Variants in FHIP1A observed in about 807,000 individuals in gnomAD.
FHIP1A encodes FHF complex subunit HOOK interacting protein 1A.
FHIP1A carries 61 observed loss-of-function variants against 88.6 expected under a neutral mutation model. The observed-to-expected ratio is 0.69, with a 90% CI of 0.56 to 0.85. The LOEUF (loss-of-function observed/expected upper bound fraction) is 0.85, where lower values mean the gene tolerates loss of function less well. FHIP1A is among the 40% of genes least tolerant of loss of function. The pLI is 0.00. For synonymous variants in FHIP1A, 478 were observed against 496.0 expected (o/e 0.96, Z 0.48); for missense variants, 1,154 against 1,273.5 (o/e 0.91, Z 1.43).
intron 3 of FHIP1A, among the ~76,000 whole-genome samples, chr4:151,511,562 A>G (rs1372785442): frequency 6.6e-6 from 1 of 152,214 alleles, no homozygotes; most frequent in African/African-American, 2.4e-5. Context: ...GGCACCTGGA[A>G]AATCGGGTCA....
chr4:151,488,916 G>A (rs2065895544), intron 3 of FHIP1A, among the ~76,000 whole-genome samples: 1 of 152,166 alleles, frequency 6.6e-6, no homozygotes, highest in Non-Finnish European at 1.5e-5. Context: ...GGTGGAGAGA[G>A]AGTGGGAAAA....
chr4:151,419,451 A>G (rs1246590942), intron 1 of FHIP1A, among the ~76,000 whole-genome samples: 1 of 152,004 alleles, frequency 6.6e-6, no homozygotes, highest in African/African-American at 2.4e-5. Context: ...ACACACACAT[A>G]CATCTCCTAC....
At chr4:151,526,950 A>G (rs1434578286) in intron 3 of FHIP1A, among the ~76,000 whole-genome samples, 7 of 150,572 alleles carry the variant, frequency 4.6e-5, no homozygotes, top group Non-Finnish European at 1.0e-4. Flanking sequence ...GACGCTCCTC[A>G]CTTCCCAGAT....
intron 3 of FHIP1A, among the ~76,000 whole-genome samples, chr4:151,510,429 G>T (rs1477812865): frequency 1.3e-5 from 2 of 152,246 alleles, no homozygotes; most frequent in Non-Finnish European, 2.9e-5. Flanking sequence ...TTTTAAAAGA[G>T]ATTTTTTTAT....
chr4:151,631,462 G>C (rs1023342705), intron 8 of FHIP1A, among the ~76,000 whole-genome samples: 2 of 151,990 alleles, frequency 1.3e-5, no homozygotes, highest in Non-Finnish European at 2.9e-5. Flanking sequence ...GAAATTAAAA[G>C]AACTACTCAC....
At chr4:151,540,938 T>C (rs998330516) in intron 3 of FHIP1A, among the ~76,000 whole-genome samples, 9 of 152,164 alleles carry the variant, frequency 5.9e-5, no homozygotes, top group African/African-American at 9.7e-5. Flanking sequence ...ATTTTCCTTA[T>C]CTTGACTTTG....
chr4:151,603,604 A>C (rs1734959098), intron 7 of FHIP1A, among the ~76,000 whole-genome samples: 1 of 152,146 alleles, frequency 6.6e-6, no homozygotes, highest in Non-Finnish European at 1.5e-5. Context: ...AGATCTCTTC[A>C]TCTCAATGAC....
chr4:151,594,228 T>G (rs551351773), intron 7 of FHIP1A, among the ~76,000 whole-genome samples: 1 of 152,280 alleles, frequency 6.6e-6, no homozygotes, highest in African/African-American at 2.4e-5. Flanking sequence ...TCTGCCAGGT[T>G]TTGGTATCAG....
intron 2 of FHIP1A, among the ~76,000 whole-genome samples, chr4:151,474,450 G>A (rs1729631105): frequency 6.6e-6 from 1 of 152,192 alleles, no homozygotes; most frequent in Admixed American, 6.6e-5. Flanking sequence ...TGTCAGAAAT[G>A]GAGATTTGTG....
chr4:151,424,888 T>C (rs1023873681), intron 1 of FHIP1A, among the ~76,000 whole-genome samples: 1 of 152,046 alleles, frequency 6.6e-6, no homozygotes, highest in African/African-American at 2.4e-5. Flanking sequence ...AAATTCCAGT[T>C]AATAAACGCA....
intron 1 of FHIP1A, among the ~76,000 whole-genome samples, chr4:151,451,631 TCCTAC>T (rs1728792363): frequency 6.6e-6 from 1 of 152,148 alleles, no homozygotes; most frequent in Non-Finnish European, 1.5e-5. Context: ...GTCAATTTCT[TCCTAC>T]TGATCCTTTG....
At chr4:151,510,608 T>TA (rs1344997733) in intron 3 of FHIP1A, among the ~76,000 whole-genome samples, 22 of 152,214 alleles carry the variant, frequency 1.4e-4, no homozygotes, top group Admixed American at 5.2e-4. Flanking sequence ...CTAGGGATCT[T>TA]ACTATAGTCG....
intron 1 of FHIP1A, among the ~76,000 whole-genome samples, chr4:151,423,875 A>C (rs1220154622): frequency 6.6e-6 from 1 of 152,208 alleles, no homozygotes; most frequent in Non-Finnish European, 1.5e-5. Flanking sequence ...GAAAGGTAGA[A>C]GTCACTGTGG....
intron 3 of FHIP1A, among the ~76,000 whole-genome samples, chr4:151,494,031 A>C (rs1166404974): frequency 6.6e-6 from 1 of 152,236 alleles, no homozygotes; most frequent in Non-Finnish European, 1.5e-5. Context: ...AGGAAGTCAA[A>C]TTGTCCCTGT....
chr4:151,577,527 C>T lies in FHIP1A; in HGVS notation c.183C>T (p.Ala61=), dbSNP rs780004534. The T allele has an allele frequency of 1.2e-5, 19 of 1,551,542 alleles. No individual in the cohort carries two copies. The highest frequency in any genetic ancestry group is 1.7e-5 in the Non-Finnish European group (19 of 1,146,934). ...ATGGGTCTATCCCTCCAGATGAGGC[C>T]AGTGCCGTGCAGAATTACGTAGAAC... The part of the protein sequence containing the change: ...AKYGSIPPDE[A]SAVQNYVEHM... The change falls in exon 5 of 14, where the codon GCC becomes GCT. Residue 61 remains alanine (A), a synonymous_variant. Transcript: ENST00000435205.
At position 151,429,798 on chromosome 4, in the gene FHIP1A, G is replaced by A. The variant is rs140597106; in HGVS notation, c.-356+20333G>A. Among the ~76,000 whole-genome samples, 1,376 of 144,594 alleles carry A rather than the reference G, an allele frequency of 9.5e-3. 19 individuals carry two copies. Among genetic ancestry groups the A allele is most frequent in the African/African-American group, 0.033 (1,286 of 38,666 alleles). The allele number at this position is 144,594 out of a possible 152,430, so 94.9% of individuals were successfully genotyped here. A position where few individuals can be genotyped will look rare whatever the true frequency, so the allele number is the denominator to read the frequency against. ...CGGGAGGCGGAGGTTGCAATGAGCCGAGATCGCACCACTGCACTCCAGCCT... is the reference window on the plus strand; with the variant it reads ...CGGGAGGCGGAGGTTGCAATGAGCCAAGATCGCACCACTGCACTCCAGCCT... On this transcript the variant is annotated intron_variant, in intron 1 of 13. Coordinates refer to ENST00000435205, the MANE Select transcript of FHIP1A (RefSeq NM_001109977.3).
rs184780019 is a variant in FHIP1A at position 151,468,084 on chromosome 4, A to C, written c.-248+13276A>C. Among the ~76,000 whole-genome samples the C allele has an allele frequency of 1.6e-4, 25 of 151,708 alleles. No homozygotes were observed. The East Asian group carries it at 4.9e-3, about 29-fold the overall frequency. On this transcript the variant is annotated intron_variant, in intron 2 of 13. Coordinates refer to ENST00000435205, the MANE Select transcript of FHIP1A (RefSeq NM_001109977.3). ...CGGATCACGAGGTCAGGAGATTGAGACCGTCCTGGCTAACGCAGTGAAACC... is the reference window on the plus strand; with the variant it reads ...CGGATCACGAGGTCAGGAGATTGAGCCCGTCCTGGCTAACGCAGTGAAACC...
At position 151,572,808 on chromosome 4, in the gene FHIP1A, T is replaced by A. The variant is rs546753961; in HGVS notation, c.106-4642T>A. 4.3e-4 allele frequency among the ~76,000 whole-genome samples: 66 copies of A among 152,350 alleles called. 1 individual carries two copies. In the South Asian group the frequency reaches 8.7e-3, roughly 20 times the overall value. ...ATAATTACCTACTGATACATGCATG[T>A]ATGTAAGACATAGAATAATATTAAG... On this transcript the variant is annotated intron_variant, in intron 4 of 13. Transcript: ENST00000435205.
intron 1 of FHIP1A, among the ~76,000 whole-genome samples, chr4:151,444,415 A>G (rs1002717268): frequency 2.6e-5 from 4 of 152,186 alleles, no homozygotes; most frequent in African/African-American, 4.8e-5. Context: ...AAGAAACTTA[A>G]TAAAATGAGC....
Sources: allele counts gnomAD v4.1 joint callset (sites outside exome capture counted in the v4.1 genomes callset), GRCh38; gene constraint gnomAD v4.1.1; transcripts MANE v1.5; gene names NCBI Gene and HGNC (gene_info 2026-07-23, HGNC 2026-07-21).